Variants in IGSF21 observed in about 807,000 individuals in gnomAD.
IGSF21 encodes immunoglobin superfamily member 21, also known as immunoglobulin superfamily member 21.
Under a neutral mutation model 46.8 loss-of-function variants are expected in IGSF21, and 28 were observed. The ratio of observed to expected loss-of-function variants is 0.60; its 90% CI spans 0.44 to 0.82. The LOEUF is 0.82. IGSF21 is among the 40% of genes least tolerant of loss of function. The pLI, the probability that IGSF21 is intolerant of heterozygous loss-of-function variation, is 0.00. For synonymous variants in IGSF21, 284 were observed against 273.6 expected (o/e 1.04, Z -0.38); for missense variants, 624 against 665.5 (o/e 0.94, Z 0.69).
intron 1 of IGSF21, among the ~76,000 whole-genome samples, chr1:18,212,663 C>T (rs573429754): frequency 5.4e-4 from 82 of 152,332 alleles, no homozygotes; most frequent in Non-Finnish European, 7.6e-4. Context: ...GACTGCACCA[C>T]CAGCCCAACC....
At chr1:18,280,159 C>T (rs4920469) in intron 2 of IGSF21, among the ~76,000 whole-genome samples, 24,084 of 152,082 alleles carry the variant, frequency 0.16, 2,135 homozygotes, top group Non-Finnish European at 0.2. Flanking sequence ...GGGGGTGTCA[C>T]AGGCAGGGGA....
At chr1:18,139,822 A>T (rs988427442) in intron 1 of IGSF21, among the ~76,000 whole-genome samples, 1 of 152,224 alleles carries the variant, frequency 6.6e-6, no homozygotes, top group Non-Finnish European at 1.5e-5. Context: ...TGCCTGAGGC[A>T]GCATCCCTGG....
At chr1:18,333,837 G>A (rs187711135) in intron 3 of IGSF21, among the ~76,000 whole-genome samples, 18 of 152,276 alleles carry the variant, frequency 1.2e-4, no homozygotes, top group African/African-American at 3.9e-4. Flanking sequence ...CTAGCTCATC[G>A]CCTATTTTTT....
In IGSF21 at chr1:18,365,650, T is replaced by G. The variant is rs1232993559; in HGVS notation, c.968T>G (p.Val323Gly). ...IDNEALFSCE[V>G]KHPALSMPMQ... ...AACGAGGCCCTCTTCAGCTGCGAGG[T>G]CAAGCACCCAGCTCTGTCGATGCCC... is the stretch of plus-strand genomic sequence containing the variant. Residue 323 changes from valine (V) to glycine (G), a missense_variant, in exon 6 of 10, where the codon GTC becomes GGC. Val to Gly is a moderately radical substitution (Grantham distance 109, BLOSUM62 -3). Transcript: ENST00000251296. This position sits in a 1 kb window ranked among gnomAD's most constrained non-coding sequence, Gnocchi z 4.8. 4 of 1,614,066 alleles carry G rather than the reference T, an allele frequency of 2.5e-6. No homozygotes were observed. The highest frequency in any genetic ancestry group is 3.4e-6 in the Non-Finnish European group (4 of 1,180,004).
intron 2 of IGSF21, among the ~76,000 whole-genome samples, chr1:18,265,718 G>A (rs1015987989): frequency 6.6e-6 from 1 of 152,356 alleles, no homozygotes; most frequent in Non-Finnish European, 1.5e-5. Flanking sequence ...ATGTGGCACT[G>A]CTGGCTGAAT....
At chr1:18,311,901 C>T (rs111746462) in intron 3 of IGSF21, among the ~76,000 whole-genome samples, 4,123 of 152,304 alleles carry the variant, frequency 0.027, 98 homozygotes, top group Non-Finnish European at 0.042. Flanking sequence ...ATGGGAACTA[C>T]AATTCAAGAT....
intron 1 of IGSF21, among the ~76,000 whole-genome samples, chr1:18,221,429 C>T (rs370243681): frequency 9.9e-5 from 15 of 152,130 alleles, no homozygotes; most frequent in African/African-American, 3.1e-4. Flanking sequence ...CTGACCCCGT[C>T]CCCTGGGGCC....
chr1:18,291,448 C>A (rs1014144989), intron 2 of IGSF21, among the ~76,000 whole-genome samples: 2 of 152,172 alleles, frequency 1.3e-5, no homozygotes, highest in African/African-American at 4.8e-5. Context: ...TAATCTAATC[C>A]TGGCCCCGGG....
chr1:18,225,079 T>TCACACA lies in IGSF21; in HGVS notation c.71-2818_71-2817insACACAC, dbSNP rs1227248594. Reference sequence around the variant, plus strand: ...GACTCTGTATCTCTCTCTCTCTCTCTCTCTCTCACACACACACACACACAC... The same window carrying TCACACA: ...GACTCTGTATCTCTCTCTCTCTCTCTCACACACTCTCTCACACACACACACACACAC... On this transcript the variant is annotated intron_variant, in intron 1 of 9. Coordinates refer to ENST00000251296, the MANE Select transcript of IGSF21 (RefSeq NM_032880.5). Among the ~76,000 whole-genome samples, 5 of 33,428 alleles carry TCACACA rather than the reference T, an allele frequency of 1.5e-4. No individual in the cohort carries two copies. In the East Asian group the frequency reaches 4.3e-3, roughly 29 times the overall value. 21.9% of individuals were successfully genotyped at this position (33,428 alleles called of 152,430 possible). A position where few individuals can be genotyped will look rare whatever the true frequency, so the allele number is the denominator to read the frequency against.
At chr1:18,126,603 T>C (rs2086276135) in intron 1 of IGSF21, among the ~76,000 whole-genome samples, 1 of 152,138 alleles carries the variant, frequency 6.6e-6, no homozygotes, top group Admixed American at 6.5e-5. Flanking sequence ...CCCCCCTACT[T>C]GTGGCTCCTC....
chr1:18,262,496 A>C (rs1317401861), intron 2 of IGSF21, among the ~76,000 whole-genome samples: 2 of 152,202 alleles, frequency 1.3e-5, no homozygotes, highest in Non-Finnish European at 2.9e-5. Context: ...AAAAATGGGG[A>C]TAATAATTCC....
intron 1 of IGSF21, among the ~76,000 whole-genome samples, chr1:18,222,229 T>A (rs531964776): frequency 2.6e-5 from 4 of 152,266 alleles, no homozygotes; most frequent in African/African-American, 9.6e-5. Context: ...TTGAGCCTCC[T>A]CTCTAGTTTT....
At chr1:18,300,572 C>T (rs2085351070) in intron 3 of IGSF21, among the ~76,000 whole-genome samples, 1 of 152,206 alleles carries the variant, frequency 6.6e-6, no homozygotes, top group Non-Finnish European at 1.5e-5. Flanking sequence ...TGCCCGCATA[C>T]CTGGGCTGCC....
intron 2 of IGSF21, among the ~76,000 whole-genome samples, chr1:18,249,784 T>C (rs905690188): frequency 1.3e-5 from 2 of 152,194 alleles, no homozygotes; most frequent in African/African-American, 4.8e-5. Flanking sequence ...TGGCCCACAG[T>C]TGTGGATGGG....
At chr1:18,269,031 C>A (rs564807334) in intron 2 of IGSF21, among the ~76,000 whole-genome samples, 2 of 152,360 alleles carry the variant, frequency 1.3e-5, no homozygotes, top group Admixed American at 1.3e-4. Context: ...ATGTCCTCAG[C>A]TCCTCGTCCA....
intron 2 of IGSF21, among the ~76,000 whole-genome samples, chr1:18,256,706 G>A (rs892310314): frequency 8.5e-5 from 13 of 152,162 alleles, no homozygotes; most frequent in African/African-American, 2.4e-4. Context: ...TTGAGCTGCT[G>A]CCGTTACCTC....
At position 18,322,265 on chromosome 1, in the gene IGSF21, C is replaced by T. The variant is rs1394461177; in HGVS notation, c.306-12627C>T. Among the ~76,000 whole-genome samples the T allele has an allele frequency of 2.0e-5, 3 of 151,992 alleles. No individual in the cohort carries two copies. Among genetic ancestry groups the T allele is most frequent in the African/African-American group, 4.8e-5 (2 of 41,338 alleles). ...AGGGACCTGATGCTGACCTTGCCCA[C>T]AGTAGGGGCACAGCCATGTTCATTG... On this transcript the variant is annotated intron_variant, in intron 3 of 9. Coordinates refer to ENST00000251296, the MANE Select transcript of IGSF21 (RefSeq NM_032880.5). This position sits in a 1 kb window ranked among gnomAD's most constrained non-coding sequence, Gnocchi z 4.3.
At chr1:18,203,985 C>G (rs1292335990) in intron 1 of IGSF21, among the ~76,000 whole-genome samples, 2 of 152,220 alleles carry the variant, frequency 1.3e-5, no homozygotes, top group Non-Finnish European at 1.5e-5. Context: ...TTGCCGAGAG[C>G]TGTTCTAAGC....
At chr1:18,215,218 A>G (rs1157020597) in intron 1 of IGSF21, among the ~76,000 whole-genome samples, 1 of 152,232 alleles carries the variant, frequency 6.6e-6, no homozygotes, top group African/African-American at 2.4e-5. Flanking sequence ...TATCACCTGT[A>G]GAACTTATTA....
Sources: gnomAD v4.1 joint callset for allele counts (sites outside exome capture counted in the v4.1 genomes callset) on GRCh38, gnomAD v4.1.1 for gene constraint, Gnocchi (gnomAD v3.1) non-coding constraint, MANE v1.5 for transcripts, NCBI Gene and HGNC (gene_info 2026-07-23, HGNC 2026-07-21) for gene names.